NF1: variants seen among roughly 807,000 people sequenced by gnomAD.
NF1 encodes the protein neurofibromin 1.
Under a neutral mutation model 325.7 loss-of-function variants are expected in NF1, and 122 were observed. The ratio of observed to expected loss-of-function variants is 0.37; its 90% CI spans 0.32 to 0.44. The LOEUF is 0.44. Among genes scored for constraint, NF1 ranks in the 20% least tolerant of loss-of-function variants. NF1 has a pLI of 1.00. For synonymous variants in NF1, 1,091 were observed against 1,186.0 expected (o/e 0.92, Z 1.65); for missense variants, 2,140 against 3,415.4 (o/e 0.63, Z 9.31).
chr17:31,108,671 C>T lies in NF1; in HGVS notation c.60+13302C>T, dbSNP rs1173222656. Among the ~76,000 whole-genome samples, 3 of 152,232 alleles carry T rather than the reference C, an allele frequency of 2.0e-5. No individual in the cohort carries two copies. The East Asian group carries it at 5.8e-4, about 29-fold the overall frequency. ...TTCCTACCCATTTCCTGCTCACTAC[C>T]TCTTTATTATTTTAAAGCAATCCTA... is the stretch of plus-strand genomic sequence containing the variant. On this transcript the variant is annotated intron_variant, in intron 1 of 57. Transcript: ENST00000358273.
At chr17:31,278,619 A>T (rs536822004) in intron 36 of NF1, among the ~76,000 whole-genome samples, 98 of 113,596 alleles carry the variant, frequency 8.6e-4, no homozygotes, top group Admixed American at 1.2e-3. Flanking sequence ...TTTTTTTATT[A>T]TTTTTTTTTT....
chr17:31,315,658 T>C (rs541094705), intron 36 of NF1, among the ~76,000 whole-genome samples: 5 of 152,212 alleles, frequency 3.3e-5, no homozygotes, highest in Non-Finnish European at 4.4e-5. Flanking sequence ...TCTTGAAAAA[T>C]GGAGATCATA....
chr17:31,137,670 G>A (rs1383518451), intron 1 of NF1: 1 of 149,504 alleles, frequency 6.7e-6, no homozygotes, highest in Admixed American at 6.7e-5. Context: ...TGATTCCCTT[G>A]TTTTGTGGAT....
chr17:31,313,769 A>T (rs2068951714), intron 36 of NF1, among the ~76,000 whole-genome samples: 1 of 151,156 alleles, frequency 6.6e-6, no homozygotes, highest in South Asian at 2.1e-4. Flanking sequence ...AGATTAAATA[A>T]ACTTAAAAGG....
chr17:31,172,375 C>G (rs1403206064), intron 5 of NF1, among the ~76,000 whole-genome samples: 2 of 149,590 alleles, frequency 1.3e-5, no homozygotes, highest in East Asian at 3.9e-4. Context: ...CTCTCTCTTT[C>G]TCTCTTTCTC....
At chr17:31,244,956 A>G (rs2067366134) in intron 29 of NF1, among the ~76,000 whole-genome samples, 1 of 152,202 alleles carries the variant, frequency 6.6e-6, no homozygotes, top group Non-Finnish European at 1.5e-5. Context: ...ATACACAGGA[A>G]CACTTGAATA....
At chr17:31,189,672 T>C (rs2143822243) in intron 8 of NF1, among the ~76,000 whole-genome samples, 1 of 152,270 alleles carries the variant, frequency 6.6e-6, no homozygotes, top group Admixed American at 6.5e-5. Context: ...GCCAAGATTT[T>C]TGAAGTATGC....
intron 36 of NF1, chr17:31,273,648 C>T (rs2067946721): frequency 6.6e-6 from 1 of 152,194 alleles, no homozygotes; most frequent in African/African-American, 2.4e-5. Flanking sequence ...TGATTTCTCA[C>T]TCACTGCATG....
In NF1 at chr17:31,248,972, A is replaced by AT. The variant is rs786202231; in HGVS notation, c.3975-5dup. 1.9e-6 allele frequency: 3 copies of AT among 1,613,068 alleles called. No homozygotes were observed. The highest frequency in any genetic ancestry group is 2.5e-6 in the Non-Finnish European group (3 of 1,179,610). On this transcript the variant is annotated splice_polypyrimidine_tract_variant and intron_variant, in intron 29 of 57. Transcript: ENST00000358273. Reference sequence around the variant, plus strand: ...ACAAAAGTGTTAGGATTTTATTTTTATTTTTTTGTAGGTTAGAACCATCAG... The same window carrying AT: ...ACAAAAGTGTTAGGATTTTATTTTTATTTTTTTTGTAGGTTAGAACCATCAG...
At chr17:31,340,464 A>G in intron 46 of NF1, 41 bp from the exon 47 acceptor site, 3 of 1,613,854 alleles carry the variant, frequency 1.9e-6, no homozygotes, top group Non-Finnish European at 2.5e-6. Flanking sequence ...AGACTATGTC[A>G]TGATTCATCT....
intron 30 of NF1, among the ~76,000 whole-genome samples, chr17:31,249,479 G>T (rs573151505): frequency 6.6e-6 from 1 of 152,042 alleles, no homozygotes; most frequent in African/African-American, 2.4e-5. Flanking sequence ...CAGTTGAGGC[G>T]GGTCTCCTCC....
At chr17:31,273,125 G>A (rs1023515642) in intron 36 of NF1, among the ~76,000 whole-genome samples, 1 of 152,176 alleles carries the variant, frequency 6.6e-6, no homozygotes, top group Admixed American at 6.5e-5. Flanking sequence ...GGCAATTTGG[G>A]ACAGTAGAGC....
chr17:31,377,408 G>T lies in NF1; in HGVS notation c.*3253G>T, dbSNP rs2070747560. 4.3e-6 allele frequency: 1 copy of T among 233,228 alleles called. No individual in the cohort carries two copies. The highest frequency in any genetic ancestry group is 8.5e-6 in the Non-Finnish European group (1 of 117,884). 14.4% of individuals were successfully genotyped at this position (233,228 alleles called of 1,614,324 possible). The stretch of plus-strand genomic sequence containing the variant: ...TCATTTAAAGAAAATGCTGTGTATT[G>T]TAAACTTAAATTGTATATGATAACT... On this transcript the variant is annotated 3_prime_UTR_variant, in exon 58 of 58. Transcript: ENST00000358273.
At chr17:31,157,688 G>T (rs1005224421) in intron 2 of NF1, among the ~76,000 whole-genome samples, 1 of 151,816 alleles carries the variant, frequency 6.6e-6, no homozygotes, top group Admixed American at 6.6e-5. Context: ...GGCCAGGCAT[G>T]GTGGCTCACG....
intron 12 of NF1, among the ~76,000 whole-genome samples, chr17:31,208,124 A>G (rs1262269374): frequency 6.6e-6 from 1 of 152,208 alleles, no homozygotes; most frequent in Admixed American, 6.5e-5. Flanking sequence ...TATTTTACCG[A>G]AAAGCCATAA....
intron 1 of NF1, among the ~76,000 whole-genome samples, chr17:31,144,437 C>A (rs1916450285): frequency 1.3e-5 from 2 of 152,194 alleles, no homozygotes; most frequent in African/African-American, 4.8e-5. Context: ...TAAGCTACTC[C>A]AAAGCCTTGT....
rs876659976 is a variant in NF1, at chr17:31,225,166, T to C, written c.1917T>C (p.Asn639=). The C allele has an allele frequency of 3.1e-6, 5 of 1,613,722 alleles. No individual in the cohort carries two copies. The African/African-American group carries it at 6.7e-5, about 22-fold the overall frequency. The change falls in exon 17 of 58, where the codon AAT becomes AAC. Residue 639 remains asparagine (N), a synonymous_variant. Coordinates refer to ENST00000358273, the MANE Select transcript of NF1 (RefSeq NM_001042492.3). Reference sequence around the variant, plus strand: ...GATGTGATATTCCTTCTAGTGGAAATACCAGTCAAATGTCCATGGATCATG... The same window carrying C: ...GATGTGATATTCCTTCTAGTGGAAACACCAGTCAAATGTCCATGGATCATG... ...GVGCDIPSSG[N]TSQMSMDHEE...
intron 17 of NF1, among the ~76,000 whole-genome samples, chr17:31,226,115 T>A (rs1428709113): frequency 6.6e-6 from 1 of 152,214 alleles, no homozygotes; most frequent in Admixed American, 6.5e-5. Context: ...ATTTACGTTA[T>A]GGTGTTTACC....
chr17:31,159,962 A>T lies in NF1; in HGVS notation c.288+869A>T, dbSNP rs1466209228. 2.0e-5 allele frequency among the ~76,000 whole-genome samples: 3 copies of T among 152,162 alleles called. No homozygotes were observed. In the East Asian group the frequency reaches 5.8e-4, roughly 29 times the overall value. ...TTGAAAGAGACCTTAATATATGAGGACTGATAGTGTGGTTGAGAAGTGTTG... is the reference window on the plus strand; with the variant it reads ...TTGAAAGAGACCTTAATATATGAGGTCTGATAGTGTGGTTGAGAAGTGTTG... On this transcript the variant is annotated intron_variant, in intron 3 of 57. Transcript: ENST00000358273.
Sources: gnomAD v4.1 joint callset for allele counts (sites outside exome capture counted in the v4.1 genomes callset) on GRCh38, gnomAD v4.1.1 for gene constraint, MANE v1.5 for transcripts, NCBI Gene and HGNC (gene_info 2026-07-23, HGNC 2026-07-21) for gene names.